SEZ6L: variants seen among roughly 807,000 people sequenced by gnomAD.
SEZ6L encodes seizure related 6 homolog like, also known as seizure 6-like protein.
SEZ6L carries 37 observed loss-of-function variants against 106.2 expected under a neutral mutation model. The observed-to-expected ratio is 0.35, with a 90% confidence interval of 0.27 to 0.46. The LOEUF (loss-of-function observed/expected upper bound fraction) is 0.46, where lower values mean the gene tolerates loss of function less well. Among genes scored for constraint, SEZ6L ranks in the 20% least tolerant of loss-of-function variants. The pLI, the probability that SEZ6L is intolerant of heterozygous loss-of-function variation, is 1.00. For missense variants in SEZ6L, 1,172 were observed against 1,332.8 expected (o/e 0.88, Z 1.88); for synonymous variants, 541 against 570.4 (o/e 0.95, Z 0.73).
chr22:26,243,626 G>A (rs767208858), intron 1 of SEZ6L, among the ~76,000 whole-genome samples: 17 of 152,184 alleles, frequency 1.1e-4, no homozygotes, highest in Non-Finnish European at 2.4e-4. Context: ...AGCCACTGGA[G>A]GGTTTTCAGC....
chr22:26,284,609 A>AG (rs2080872988), intron 1 of SEZ6L, among the ~76,000 whole-genome samples: 1 of 82,046 alleles, frequency 1.2e-5, no homozygotes, highest in South Asian at 2.5e-4. Context: ...GACTCCAAAA[A>AG]AAAAAAAAAA....
chr22:26,227,396 G>A lies in SEZ6L; in HGVS notation c.94+57633G>A, dbSNP rs550036596. On this transcript the variant is annotated intron_variant, in intron 1 of 16. Coordinates refer to ENST00000248933, the MANE Select transcript of SEZ6L (RefSeq NM_021115.5). ...TTAATAGTATTTGTTACTATTTTTA[G>A]TAACATAATAGGGCTTTGTTTTATT... Among the ~76,000 whole-genome samples, 3 of 152,236 alleles carry A rather than the reference G, an allele frequency of 2.0e-5. No homozygotes were observed. The South Asian group carries it at 6.2e-4, about 32-fold the overall frequency.
At chr22:26,278,776 A>AGAAG (rs761445185) in intron 1 of SEZ6L, among the ~76,000 whole-genome samples, 120 of 151,732 alleles carry the variant, frequency 7.9e-4, no homozygotes, top group Admixed American at 1.6e-3. Flanking sequence ...AAAGAAGGAA[A>AGAAG]GAAGGAAGGA....
chr22:26,292,504 A>G lies in SEZ6L; in HGVS notation c.193A>G (p.Arg65Gly). ...GSPGKEHPEE[R>G]VVTAPPSSSQ... ...TCCTGGCAAAGAGCACCCTGAAGAG[A>G]GAGTGGTAACAGCGCCCCCCAGTTC... Residue 65 changes from arginine (R) to glycine (G), a missense_variant, in exon 2 of 17, where the codon AGA (arginine) becomes GGA (glycine). This residue lies in a region of SEZ6L where 494 missense variants were observed against 445.8 expected (regional missense o/e 1.11). Transcript: ENST00000248933. 6.2e-7 allele frequency: 1 copy of G among 1,613,876 alleles called. No individual in the cohort carries two copies. The highest frequency in any genetic ancestry group is 8.5e-7 in the Non-Finnish European group (1 of 1,179,920).
At chr22:26,322,340 A>C (rs2082177902) in intron 9 of SEZ6L, among the ~76,000 whole-genome samples, 1 of 152,206 alleles carries the variant, frequency 6.6e-6, no homozygotes, top group African/African-American at 2.4e-5. Flanking sequence ...TGACTTGAAC[A>C]GCTTTCGGGG....
At position 26,348,612 on chromosome 22, in the gene SEZ6L, AAAAGAAAG is replaced by A. The variant is rs1175520871; in HGVS notation, c.2407+727_2407+734del. Among the ~76,000 whole-genome samples, 95 of 21,774 alleles carry A rather than the reference AAAAGAAAG, an allele frequency of 4.4e-3. 5 individuals carry two copies. The highest frequency in any genetic ancestry group is 6.6e-3 in the African/African-American group (15 of 2,274). The allele number at this position is 21,774 out of a possible 152,430, so 14.3% of individuals were successfully genotyped here. On this transcript the variant is annotated intron_variant, in intron 11 of 16. Transcript: ENST00000248933. ...AGAAAGAAAGAAAGAAAGAAAGAGAAAAAGAAAGAAAGAAAGAAAGAAAGAAAGAAAGA... is the reference window on the plus strand; with the variant it reads ...AGAAAGAAAGAAAGAAAGAAAGAGAAAAAGAAAGAAAGAAAGAAAGAAAGA...
At chr22:26,376,410 G>A (rs1336197631) in intron 15 of SEZ6L, among the ~76,000 whole-genome samples, 1 of 152,100 alleles carries the variant, frequency 6.6e-6, no homozygotes, top group Non-Finnish European at 1.5e-5. Flanking sequence ...GCCCCACTGA[G>A]AAATGACATT....
intron 14 of SEZ6L, among the ~76,000 whole-genome samples, chr22:26,374,146 C>A (rs1016903277): frequency 3.3e-5 from 5 of 151,642 alleles, no homozygotes; most frequent in African/African-American, 1.2e-4. Context: ...AACCACTCAC[C>A]GGGACTGTGA....
At position 26,380,845 on chromosome 22, in the gene SEZ6L, T is replaced by A. The variant is rs2084389888; in HGVS notation, c.*550T>A. On this transcript the variant is annotated 3_prime_UTR_variant, in exon 17 of 17. Coordinates refer to ENST00000248933, the MANE Select transcript of SEZ6L (RefSeq NM_021115.5). ...TTCTGAAAGGTTTTTCCACAGCCCC[T>A]CCCTCTCACGGTTCTTCTGAAGGTA... The A allele has an allele frequency of 1.3e-5, 2 of 152,670 alleles. No homozygotes were observed. Among genetic ancestry groups the A allele is most frequent in the Non-Finnish European group, 2.9e-5 (2 of 68,390 alleles). 9.5% of individuals were successfully genotyped at this position (152,670 alleles called of 1,614,324 possible). A position where few individuals can be genotyped will look rare whatever the true frequency, so the allele number is the denominator to read the frequency against.
chr22:26,278,467 G>A (rs1245421340), intron 1 of SEZ6L, among the ~76,000 whole-genome samples: 1 of 152,114 alleles, frequency 6.6e-6, no homozygotes, highest in African/African-American at 2.4e-5. Flanking sequence ...GGAGTCTCCA[G>A]TGTCTACTAT....
intron 1 of SEZ6L, among the ~76,000 whole-genome samples, chr22:26,225,424 G>C (rs769922336): frequency 2.6e-5 from 4 of 152,048 alleles, no homozygotes; most frequent in African/African-American, 4.8e-5. Flanking sequence ...TATTAGACTC[G>C]GATTGGCTGA....
At chr22:26,279,955 T>A (rs527670632) in intron 1 of SEZ6L, among the ~76,000 whole-genome samples, 23 of 152,316 alleles carry the variant, frequency 1.5e-4, no homozygotes, top group African/African-American at 5.1e-4. Context: ...ATTTCGTTTT[T>A]AATTATTGCT....
intron 2 of SEZ6L, 45 bp from the exon 3 acceptor site, chr22:26,294,247 C>T (rs2081226921): frequency 1.2e-6 from 2 of 1,605,370 alleles, no homozygotes; most frequent in Non-Finnish European, 8.5e-7. Flanking sequence ...GTTGAGCTTA[C>T]ATCCAAGTTG....
At chr22:26,178,358 C>T (rs920703580) in intron 1 of SEZ6L, among the ~76,000 whole-genome samples, 9 of 152,178 alleles carry the variant, frequency 5.9e-5, no homozygotes, top group African/African-American at 2.2e-4. Context: ...GGCTAGGTAT[C>T]CCTCCTAGGC....
chr22:26,350,977 C>T lies in SEZ6L; in HGVS notation c.2408-75C>T, dbSNP rs186932725. 2,299 of 1,462,238 alleles carry T rather than the reference C, an allele frequency of 1.6e-3. 66 individuals are homozygous for T. In the Admixed American group the frequency reaches 0.045, roughly 28 times the overall value. The allele number at this position is 1,462,238 out of a possible 1,614,324, so 90.6% of individuals were successfully genotyped here. ...GGCCAAGTTAGGAAACTTTCTAGAT[C>T]ATTCTGTAATTCTCAGCAAACCCAT... On this transcript the variant is annotated intron_variant, in intron 11 of 16. Coordinates refer to ENST00000248933, the MANE Select transcript of SEZ6L (RefSeq NM_021115.5).
At chr22:26,364,011 G>A (rs760052916) in intron 12 of SEZ6L, among the ~76,000 whole-genome samples, 1 of 152,212 alleles carries the variant, frequency 6.6e-6, no homozygotes, top group Non-Finnish European at 1.5e-5. Flanking sequence ...GCTAGGGTAA[G>A]TTGTTTAACG....
At chr22:26,331,614 A>C (rs957293641) in intron 9 of SEZ6L, among the ~76,000 whole-genome samples, 12 of 152,196 alleles carry the variant, frequency 7.9e-5, no homozygotes, top group African/African-American at 2.2e-4. Flanking sequence ...CCTGATCGAT[A>C]ATAACCATGA....
At chr22:26,245,175 G>C (rs979724018) in intron 1 of SEZ6L, among the ~76,000 whole-genome samples, 2 of 152,104 alleles carry the variant, frequency 1.3e-5, no homozygotes, top group Non-Finnish European at 2.9e-5. Context: ...ACAGGCTGCA[G>C]GTCTGAGAAG....
intron 10 of SEZ6L, among the ~76,000 whole-genome samples, chr22:26,344,912 G>A (rs2082958381): frequency 6.6e-6 from 1 of 152,184 alleles, no homozygotes; most frequent in African/African-American, 2.4e-5. Context: ...ATTTAAAAAA[G>A]AAAGAAGAGT....
Sources: allele counts gnomAD v4.1 joint callset (sites outside exome capture counted in the v4.1 genomes callset), GRCh38; gene constraint gnomAD v4.1.1; regional missense constraint gnomAD v4.1.1; transcripts MANE v1.5; gene names NCBI Gene and HGNC (gene_info 2026-07-23, HGNC 2026-07-21).